Variants in NEK11 observed in about 807,000 individuals in gnomAD.
NEK11 encodes the protein serine/threonine-protein kinase Nek11.
NEK11 carries 72 observed loss-of-function variants against 80.7 expected under a neutral mutation model. The observed-to-expected ratio is 0.89, with a 90% confidence interval of 0.74 to 1.08. The LOEUF (loss-of-function observed/expected upper bound fraction) is 1.08. NEK11 is among the 50% of genes least tolerant of loss of function. NEK11 has a pLI of 0.00. For missense variants in NEK11, 764 were observed against 763.6 expected (o/e 1.00, Z -0.01); for synonymous variants, 251 against 260.7 (o/e 0.96, Z 0.36).
intron 5 of NEK11, among the ~76,000 whole-genome samples, chr3:131,123,898 T>G (rs2082827253): frequency 6.6e-6 from 1 of 152,104 alleles, no homozygotes; most frequent in African/African-American, 2.4e-5. Flanking sequence ...TAGAGAAAAT[T>G]TATTACCTTG....
At chr3:131,139,886 G>A (rs1201957043) in intron 7 of NEK11, among the ~76,000 whole-genome samples, 2 of 152,204 alleles carry the variant, frequency 1.3e-5, no homozygotes. Flanking sequence ...GTAGCGAGGA[G>A]CATCAGGGGC....
chr3:131,346,079 A>T (rs183003781), intron 17 of NEK11, among the ~76,000 whole-genome samples: 5 of 152,284 alleles, frequency 3.3e-5, no homozygotes, highest in Admixed American at 2.6e-4. Context: ...AGGATACAAA[A>T]CAGTAGATAC....
At chr3:131,028,456 C>T (rs143522371) in intron 2 of NEK11, among the ~76,000 whole-genome samples, 2 of 152,298 alleles carry the variant, frequency 1.3e-5, no homozygotes, top group African/African-American at 4.8e-5. Flanking sequence ...AACAAAAGCA[C>T]ACTTTTCTTG....
rs766819102 is a variant in NEK11 at position 131,132,845 on chromosome 3, G to C, written c.520+36G>C. On this transcript the variant is annotated intron_variant, in intron 6 of 17. Coordinates refer to ENST00000383366, the MANE Select transcript of NEK11 (RefSeq NM_024800.5). The stretch of plus-strand genomic sequence containing the variant: ...AAAAAGTATGAATTCCAAAAACGCA[G>C]AACAGTATATTCTAGATATTATCAT... The C allele has an allele frequency of 4.3e-6, 4 of 932,304 alleles. No homozygotes were observed. In the South Asian group the frequency reaches 6.1e-5, roughly 14 times the overall value. The allele number at this position is 932,304 out of a possible 1,614,324, so 57.8% of individuals were successfully genotyped here. A position where few individuals can be genotyped will look rare whatever the true frequency, so the allele number is the denominator to read the frequency against.
intron 17 of NEK11, among the ~76,000 whole-genome samples, chr3:131,324,801 T>C (rs2096940670): frequency 6.6e-6 from 1 of 152,156 alleles, no homozygotes; most frequent in African/African-American, 2.4e-5. Context: ...ACTAGACAAC[T>C]CCTTCCCCCT....
rs1339152706 is a variant in NEK11, at chr3:131,045,047, A to C, written c.170+15169A>C. On this transcript the variant is annotated intron_variant, in intron 3 of 17. Transcript: ENST00000383366. The stretch of plus-strand genomic sequence containing the variant: ...ACTGGGTAAATAAGAAAATTAAGGC[A>C]GAAATAAGTTCTTTGAAATGAAGGA... 2.0e-5 allele frequency among the ~76,000 whole-genome samples: 3 copies of C among 152,334 alleles called. No individual in the cohort carries two copies. The East Asian group carries it at 5.8e-4, about 29-fold the overall frequency.
At chr3:131,169,021 C>A in intron 13 of NEK11, 84 bp downstream of exon 13, 1 of 1,026,976 alleles carries the variant, frequency 9.7e-7, no homozygotes. Context: ...AATGGGAAGC[C>A]GAACACTTTG....
At chr3:131,103,733 G>A (rs1423996683) in intron 4 of NEK11, among the ~76,000 whole-genome samples, 1 of 152,164 alleles carries the variant, frequency 6.6e-6, no homozygotes, top group Non-Finnish European at 1.5e-5. Context: ...TTTCAGTCTG[G>A]CTCTGTGGAG....
chr3:131,134,696 G>C (rs907376263), intron 7 of NEK11, among the ~76,000 whole-genome samples: 11 of 152,158 alleles, frequency 7.2e-5, no homozygotes, highest in Non-Finnish European at 1.6e-4. Flanking sequence ...ACCGCGCCCA[G>C]ACTAGGATAA....
intron 9 of NEK11, among the ~76,000 whole-genome samples, chr3:131,153,842 G>A (rs1360430887): frequency 6.6e-6 from 1 of 152,142 alleles, no homozygotes; most frequent in Non-Finnish European, 1.5e-5. Context: ...TATATGCCTA[G>A]CACTGGGAAG....
chr3:131,332,611 G>C (rs1255285504), intron 17 of NEK11, among the ~76,000 whole-genome samples: 1 of 152,250 alleles, frequency 6.6e-6, no homozygotes, highest in Non-Finnish European at 1.5e-5. Flanking sequence ...AACAAAGCTG[G>C]ATGGAGAATG....
intron 3 of NEK11, among the ~76,000 whole-genome samples, chr3:131,059,901 G>C (rs950014609): frequency 5.3e-5 from 8 of 152,318 alleles, no homozygotes; most frequent in African/African-American, 1.7e-4. Context: ...GTTATAAATA[G>C]GTTGTATGCT....
At chr3:131,301,965 G>A (rs2096665862) in intron 17 of NEK11, among the ~76,000 whole-genome samples, 1 of 152,118 alleles carries the variant, frequency 6.6e-6, no homozygotes, top group Non-Finnish European at 1.5e-5. Flanking sequence ...GAAGAATTCA[G>A]CTGTGAATCT....
intron 3 of NEK11, among the ~76,000 whole-genome samples, chr3:131,034,463 G>C (rs954226292): frequency 6.6e-6 from 1 of 151,904 alleles, no homozygotes; most frequent in African/African-American, 2.4e-5. Flanking sequence ...GCAGTGGCGC[G>C]ATCTTGGCTC....
At chr3:131,343,027 C>G (rs1407324890) in intron 17 of NEK11, among the ~76,000 whole-genome samples, 1 of 152,064 alleles carries the variant, frequency 6.6e-6, no homozygotes, top group Non-Finnish European at 1.5e-5. Flanking sequence ...GGCCAAGACT[C>G]AAGAGGAGTG....
At chr3:131,117,118 G>C (rs12636794) in intron 5 of NEK11, among the ~76,000 whole-genome samples, 28,045 of 152,062 alleles carry the variant, frequency 0.18, 2,661 homozygotes, top group Middle Eastern at 0.22. Context: ...AGGTCTAACA[G>C]TTAAGTCTTT....
intron 7 of NEK11, among the ~76,000 whole-genome samples, chr3:131,134,646 G>A (rs2149609612): frequency 6.6e-6 from 1 of 152,210 alleles, no homozygotes; most frequent in East Asian, 1.9e-4. Flanking sequence ...TGATCTGCCT[G>A]CCTCAGCCTC....
At chr3:131,176,695 G>A (rs751903975) in intron 14 of NEK11, among the ~76,000 whole-genome samples, 1 of 152,094 alleles carries the variant, frequency 6.6e-6, no homozygotes, top group Admixed American at 6.6e-5. Flanking sequence ...TGCCCAACAA[G>A]CCACTTTGAC....
intron 10 of NEK11, among the ~76,000 whole-genome samples, chr3:131,155,749 G>A (rs2090551117): frequency 6.6e-6 from 1 of 152,162 alleles, no homozygotes; most frequent in Non-Finnish European, 1.5e-5. Flanking sequence ...TGGTATACAG[G>A]AGGTGTGCAG....
Sources: gnomAD v4.1 joint callset for allele counts (sites outside exome capture counted in the v4.1 genomes callset) on GRCh38, gnomAD v4.1.1 for gene constraint, MANE v1.5 for transcripts, NCBI Gene and HGNC (gene_info 2026-07-23, HGNC 2026-07-21) for gene names.